Variants in TAPT1 observed in about 807,000 individuals in gnomAD.
TAPT1 encodes the protein transmembrane anterior posterior transformation 1.
TAPT1 carries 28 observed loss-of-function variants against 65.6 expected under a neutral mutation model. The observed-to-expected ratio is 0.43, with a 90% confidence interval of 0.32 to 0.59. The LOEUF is 0.59. Among genes scored for constraint, TAPT1 ranks in the 20% least tolerant of loss-of-function variants. TAPT1 has a pLI of 0.09. For synonymous variants in TAPT1, 278 were observed against 245.2 expected (o/e 1.13, Z -1.25); for missense variants, 563 against 679.9 (o/e 0.83, Z 1.91).
chr4:16,179,498 T>C lies in TAPT1; in HGVS notation c.997+79A>G, dbSNP rs7657135. 5.8e-3 allele frequency: 4,948 copies of C among 859,954 alleles called. 174 individuals carry two copies. In the African/African-American group the frequency reaches 0.078, roughly 13 times the overall value. The allele number at this position is 859,954 out of a possible 1,614,324, so 53.3% of individuals were successfully genotyped here. On this transcript the variant is annotated intron_variant, in intron 8 of 13. Transcript: ENST00000405303. ...AAGTCTTTTGGAGTTTTCTGCAATA[T>C]TCATTTTATTCCATGTAAAAGAATG... is the stretch of plus-strand genomic sequence containing the variant.
intron 7 of TAPT1, among the ~76,000 whole-genome samples, chr4:16,183,902 G>A (rs16893162): frequency 0.13 from 19,128 of 152,158 alleles, 1,486 homozygotes; most frequent in African/African-American, 0.21. Flanking sequence ...GTCAGGTCCA[G>A]CATGGCCTCA....
chr4:16,174,321 C>A (rs1748191342), intron 10 of TAPT1, 49 bp from the exon 11 acceptor site: 3 of 1,499,164 alleles, frequency 2.0e-6, no homozygotes, highest in Non-Finnish European at 2.7e-6. Context: ...ATTTAAACAG[C>A]ATTTTAAAAG....
intron 12 of TAPT1, among the ~76,000 whole-genome samples, chr4:16,168,309 T>C (rs1397084802): frequency 2.1e-4 from 32 of 152,036 alleles, no homozygotes; most frequent in Non-Finnish European, 4.1e-4. Flanking sequence ...GGGGTCTTGC[T>C]ATGTTGCCCA....
chr4:16,221,748 A>G (rs1177875502), intron 1 of TAPT1, among the ~76,000 whole-genome samples: 1 of 152,246 alleles, frequency 6.6e-6, no homozygotes, highest in Non-Finnish European at 1.5e-5. Flanking sequence ...TGAAACATGC[A>G]TATCTCCATA....
At chr4:16,215,877 T>G (rs998652962) in intron 1 of TAPT1, among the ~76,000 whole-genome samples, 11 of 152,210 alleles carry the variant, frequency 7.2e-5, no homozygotes, top group African/African-American at 2.4e-4. Flanking sequence ...GAAAACCTTT[T>G]GAGTTGCAAA....
At chr4:16,192,189 GC>G (rs1749417409) in intron 3 of TAPT1, among the ~76,000 whole-genome samples, 1 of 152,180 alleles carries the variant, frequency 6.6e-6, no homozygotes, top group African/African-American at 2.4e-5. Context: ...CAGCTGAACT[GC>G]CCACTGTACT....
intron 5 of TAPT1, among the ~76,000 whole-genome samples, chr4:16,187,951 C>T (rs1324225575): frequency 4.6e-5 from 7 of 152,082 alleles, no homozygotes; most frequent in Non-Finnish European, 7.4e-5. Flanking sequence ...AGATACACTG[C>T]CTTTTTATTA....
intron 11 of TAPT1, among the ~76,000 whole-genome samples, chr4:16,171,039 A>C (rs971975103): frequency 6.6e-5 from 10 of 152,202 alleles, no homozygotes; most frequent in Admixed American, 1.3e-4. Flanking sequence ...TGTCACACTT[A>C]TACCTCACAG....
At chr4:16,168,192 C>T (rs1160420804) in intron 12 of TAPT1, among the ~76,000 whole-genome samples, 1 of 152,028 alleles carries the variant, frequency 6.6e-6, no homozygotes, top group Non-Finnish European at 1.5e-5. Flanking sequence ...TCGCTCACTG[C>T]AGCCTTGAAC....
At chr4:16,192,739 T>C (rs373423210) in intron 3 of TAPT1, among the ~76,000 whole-genome samples, 3 of 152,242 alleles carry the variant, frequency 2.0e-5, no homozygotes, top group Non-Finnish European at 4.4e-5. Context: ...TCAGCTTTTA[T>C]GCATAGTGCA....
rs576316041 is a variant in TAPT1, at chr4:16,162,683, T to A, written c.*625A>T. 8 of 148,508 alleles carry A rather than the reference T, an allele frequency of 5.4e-5. No homozygotes were observed. Among genetic ancestry groups the A allele is most frequent in the African/African-American group, 2.1e-4 (8 of 37,906 alleles). 9.2% of individuals were successfully genotyped at this position (148,508 alleles called of 1,614,324 possible). Reference sequence around the variant, plus strand: ...GCATAGCCTTCATTAATTATTTTTTTAATAAATAAACTAGTTTAGCATTTT... The same window carrying A: ...GCATAGCCTTCATTAATTATTTTTTAAATAAATAAACTAGTTTAGCATTTT... On this transcript the variant is annotated 3_prime_UTR_variant, in exon 14 of 14. Transcript: ENST00000405303.
rs764835399 is a variant in TAPT1 at position 16,161,491 on chromosome 4, A to G, written c.*1817T>C. 1.3e-5 allele frequency: 2 copies of G among 152,624 alleles called. No homozygotes were observed. The highest frequency in any genetic ancestry group is 4.8e-5 in the African/African-American group (2 of 41,436). 9.5% of individuals were successfully genotyped at this position (152,624 alleles called of 1,614,324 possible). Reference sequence around the variant, plus strand: ...GCGGAACTGAAGATCTATCCAAACCATGTTCCTGCTCTGAAATCAGGGTTG... The same window carrying G: ...GCGGAACTGAAGATCTATCCAAACCGTGTTCCTGCTCTGAAATCAGGGTTG... On this transcript the variant is annotated 3_prime_UTR_variant, in exon 14 of 14. Coordinates refer to ENST00000405303, the MANE Select transcript of TAPT1 (RefSeq NM_153365.3).
In TAPT1 at chr4:16,162,757, G is replaced by A. The variant is rs1294077120; in HGVS notation, c.*551C>T. 5.7e-6 allele frequency: 1 copy of A among 175,500 alleles called. No homozygotes were observed. Among genetic ancestry groups the A allele is most frequent in the East Asian group, 1.6e-4 (1 of 6,350 alleles). The allele number at this position is 175,500 out of a possible 1,614,324, so 10.9% of individuals were successfully genotyped here. ...TATTCATCATGTCTTATTTAAGGTA[G>A]CCTTTTATTCTGATTAATTAAGATA... On this transcript the variant is annotated 3_prime_UTR_variant, in exon 14 of 14. Coordinates refer to ENST00000405303, the MANE Select transcript of TAPT1 (RefSeq NM_153365.3).
intron 3 of TAPT1, among the ~76,000 whole-genome samples, chr4:16,201,481 G>T (rs1362001012): frequency 6.6e-6 from 1 of 152,178 alleles, no homozygotes. Flanking sequence ...ATGTAGAAAA[G>T]TGATGCATGT....
chr4:16,172,834 T>A (rs920577656), intron 11 of TAPT1, among the ~76,000 whole-genome samples: 7 of 152,070 alleles, frequency 4.6e-5, no homozygotes, highest in African/African-American at 1.7e-4. Context: ...TTTGTTGTTT[T>A]TTTTTTTGAG....
At chr4:16,176,093 A>T in intron 9 of TAPT1, 26 bp downstream of exon 9, 2 of 1,142,674 alleles carry the variant, frequency 1.8e-6, no homozygotes, top group Non-Finnish European at 2.5e-6. Context: ...AACTTTAAAC[A>T]TTGAAGTGCA....
intron 1 of TAPT1, among the ~76,000 whole-genome samples, chr4:16,220,560 C>T (rs944862631): frequency 6.6e-6 from 1 of 151,928 alleles, no homozygotes; most frequent in Non-Finnish European, 1.5e-5. Flanking sequence ...ACCATCCTGG[C>T]CAACATGGTG....
At chr4:16,201,990 T>C (rs1005552901) in intron 3 of TAPT1, among the ~76,000 whole-genome samples, 2 of 152,244 alleles carry the variant, frequency 1.3e-5, no homozygotes, top group Non-Finnish European at 2.9e-5. Context: ...GCTCCACAGA[T>C]CATTACAATG....
chr4:16,181,983 C>T (rs1748738580), intron 7 of TAPT1, among the ~76,000 whole-genome samples: 1 of 152,114 alleles, frequency 6.6e-6, no homozygotes, highest in Admixed American at 6.5e-5. Context: ...GGATGGCAAG[C>T]TTAAAGATTA....
Sources: allele counts gnomAD v4.1 joint callset (sites outside exome capture counted in the v4.1 genomes callset), GRCh38; gene constraint gnomAD v4.1.1; transcripts MANE v1.5; gene names NCBI Gene and HGNC (gene_info 2026-07-23, HGNC 2026-07-21).